Variants in GRAMD1B observed in about 807,000 individuals in gnomAD.
GRAMD1B encodes the protein protein Aster-B.
GRAMD1B carries 37 observed loss-of-function variants against 99.7 expected under a neutral mutation model. That is an observed-to-expected ratio of 0.37 (90% CI 0.29 to 0.49). GRAMD1B has a LOEUF of 0.49. Ranked by LOEUF, GRAMD1B falls within the 20% of genes least tolerant of loss-of-function variation. GRAMD1B has a pLI of 0.98. For missense variants in GRAMD1B, 888 were observed against 1,009.2 expected, an observed-to-expected ratio of 0.88 and a Z score of 1.63; for synonymous variants, 427 against 387.6, an observed-to-expected ratio of 1.10 and a Z score of -1.19.
intron 12 of GRAMD1B, 137 bp from the exon 13 acceptor site, chr11:123,609,658 C>G: frequency 1.7e-6 from 1 of 604,082 alleles, no homozygotes; most frequent in Non-Finnish European, 3.0e-6. Context: ...CCCCCCGGCC[C>G]TCGGGCTCCC....
At position 123,574,161 on chromosome 11, in the gene GRAMD1B, C is replaced by T. The variant is rs533679164; in HGVS notation, c.453-3206C>T. Among the ~76,000 whole-genome samples, 166 of 150,830 alleles carry T rather than the reference C, an allele frequency of 1.1e-3. 1 individual carries two copies. The highest frequency in any genetic ancestry group is 3.6e-3 in the African/African-American group (148 of 40,942). On this transcript the variant is annotated intron_variant, in intron 2 of 19. Coordinates refer to ENST00000635736, the MANE Select transcript of GRAMD1B (RefSeq NM_001387025.1). ...GGCTCTTTAGGCTCAAGTAGTGCGT[C>T]GTATGGGAGTTTGGAGGCAGGAGAA... is the stretch of plus-strand genomic sequence containing the variant.
At chr11:123,618,842 C>T (rs1464207835) in intron 18 of GRAMD1B, 42 bp downstream of exon 18, 1 of 976,790 alleles carries the variant, frequency 1.0e-6, no homozygotes, top group Non-Finnish European at 1.6e-6. Context: ...TTCATCCCAC[C>T]CAGTGCCATG....
intron 3 of GRAMD1B, among the ~76,000 whole-genome samples, chr11:123,579,284 G>A (rs1046971326): frequency 4.6e-5 from 7 of 152,208 alleles, no homozygotes; most frequent in African/African-American, 7.2e-5. Flanking sequence ...AGGGGAAGCC[G>A]AGGATGACTT....
chr11:123,516,155 A>G (rs950568043), intron 2 of GRAMD1B, among the ~76,000 whole-genome samples: 3 of 152,236 alleles, frequency 2.0e-5, no homozygotes, highest in African/African-American at 7.2e-5. Flanking sequence ...ATCATGGTAC[A>G]CGCCAGCACA....
intron 1 of GRAMD1B, among the ~76,000 whole-genome samples, chr11:123,469,339 G>T (rs1280324709): frequency 1.3e-5 from 2 of 152,140 alleles, no homozygotes; most frequent in African/African-American, 4.8e-5. Flanking sequence ...CTGGAGTGGG[G>T]CCAGAGTGGC....
chr11:123,499,781 C>T (rs752278831), intron 2 of GRAMD1B, among the ~76,000 whole-genome samples: 4 of 152,176 alleles, frequency 2.6e-5, no homozygotes, highest in Non-Finnish European at 5.9e-5. Flanking sequence ...CACACAAAAG[C>T]TCTCTTGTGT....
At chr11:123,469,772 T>TTCCTTCC (rs57120052) in intron 1 of GRAMD1B, among the ~76,000 whole-genome samples, 1 of 108,290 alleles carries the variant, frequency 9.2e-6, no homozygotes, top group African/African-American at 3.2e-5. Context: ...TTTCTTTCTC[T>TTCCTTCC]TTCTTTCCTT....
chr11:123,497,823 C>T lies in GRAMD1B; in HGVS notation c.452+16930C>T, dbSNP rs1249248299. 1.2e-4 allele frequency among the ~76,000 whole-genome samples: 18 copies of T among 150,720 alleles called. No homozygotes were observed. The East Asian group carries it at 3.5e-3, about 29-fold the overall frequency. Reference sequence around the variant, plus strand: ...GGCTGAGGCAGGAGAATCGCTTGAACCCGGGAGGCAGAGGTTGCAGTGAGC... The same window carrying T: ...GGCTGAGGCAGGAGAATCGCTTGAATCCGGGAGGCAGAGGTTGCAGTGAGC... On this transcript the variant is annotated intron_variant, in intron 2 of 19. Transcript: ENST00000635736.
intron 1 of GRAMD1B, among the ~76,000 whole-genome samples, chr11:123,405,105 G>C (rs1038205788): frequency 3.9e-5 from 6 of 152,156 alleles, no homozygotes; most frequent in African/African-American, 1.4e-4. Flanking sequence ...GAGAGGGAGA[G>C]AATTTGGTAG....
At chr11:123,424,449 T>C (rs1948576036) in intron 1 of GRAMD1B, among the ~76,000 whole-genome samples, 1 of 152,024 alleles carries the variant, frequency 6.6e-6, no homozygotes, top group Non-Finnish European at 1.5e-5. Context: ...CTGGACAACA[T>C]AGCAAGACCC....
In GRAMD1B at chr11:123,614,781, C is replaced by T. The variant is rs754161430; in HGVS notation, c.2264C>T (p.Pro755Leu). The change falls in exon 17 of 20, where the codon CCC becomes CTC. Residue 755 changes from proline (P) to leucine (L), a missense_variant. Pro to Leu is a moderately conservative substitution (Grantham distance 98). This residue lies in a region of GRAMD1B where 232 missense variants were observed against 261.7 expected (regional missense o/e 0.89). Coordinates refer to ENST00000635736, the MANE Select transcript of GRAMD1B (RefSeq NM_001387025.1). ...TQTRHIPEDT[P>L]NGFHLQSVSK... ...ACGCGGCATATCCCGGAGGACACCC[C>T]CAACGGTTTCCACCTGCAGAGCGTG... The T allele has an allele frequency of 1.2e-5, 20 of 1,612,716 alleles. No individual in the cohort carries two copies. Among genetic ancestry groups the T allele is most frequent in the South Asian group, 9.9e-5 (9 of 91,016 alleles).
chr11:123,405,192 ATGTGTGTGTGTG>A lies in GRAMD1B; in HGVS notation c.-176+46410_-176+46421del, dbSNP rs145624429. On this transcript the variant is annotated intron_variant, in intron 1 of 20. Coordinates refer to the GRAMD1B transcript ENST00000638157. Reference sequence around the variant, plus strand: ...GAGAGTATGTTGTAATCATGTGTGCATGTGTGTGTGTGTGTGTGTGTGTGTGTGAAAGAGAGA... The same window carrying A: ...GAGAGTATGTTGTAATCATGTGTGCATGTGTGTGTGTGTGTGAAAGAGAGA... 6.1e-5 allele frequency among the ~76,000 whole-genome samples: 9 copies of A among 147,938 alleles called. No homozygotes were observed. In the South Asian group the frequency reaches 1.5e-3, roughly 25 times the overall value.
At chr11:123,463,859 A>G (rs1950545726) in intron 1 of GRAMD1B, among the ~76,000 whole-genome samples, 1 of 152,160 alleles carries the variant, frequency 6.6e-6, no homozygotes, top group South Asian at 2.1e-4. Flanking sequence ...AGAAAGGAAA[A>G]CTGTGTAAAG....
intron 2 of GRAMD1B, among the ~76,000 whole-genome samples, chr11:123,522,550 C>T (rs1942290986): frequency 6.6e-6 from 1 of 152,174 alleles, no homozygotes; most frequent in Non-Finnish European, 1.5e-5. Flanking sequence ...AACTCCTAAC[C>T]TCAGGTGATC....
chr11:123,542,051 T>C (rs1366738470), intron 2 of GRAMD1B, among the ~76,000 whole-genome samples: 1 of 152,262 alleles, frequency 6.6e-6, no homozygotes, highest in Non-Finnish European at 1.5e-5. Context: ...CCCCATATTT[T>C]TCATTAGCTT....
chr11:123,402,130 C>T (rs1477029816), intron 1 of GRAMD1B, among the ~76,000 whole-genome samples: 1 of 152,204 alleles, frequency 6.6e-6, no homozygotes. Flanking sequence ...ATTCTCCTGC[C>T]TCAGCCTCCC....
intron 1 of GRAMD1B, among the ~76,000 whole-genome samples, chr11:123,409,563 T>C (rs1947969304): frequency 6.6e-6 from 1 of 152,114 alleles, no homozygotes; most frequent in Non-Finnish European, 1.5e-5. Context: ...GAGACTGCAA[T>C]TGTCAATTAT....
At chr11:123,607,255 G>C (rs1479288930) in intron 11 of GRAMD1B, among the ~76,000 whole-genome samples, 3 of 152,200 alleles carry the variant, frequency 2.0e-5, no homozygotes, top group Non-Finnish European at 4.4e-5. Context: ...GGTCAAATAG[G>C]GTTTGGAGAC....
rs1057072914 is a variant in GRAMD1B, at chr11:123,623,203, G to A, written c.*608G>A. On this transcript the variant is annotated 3_prime_UTR_variant, in exon 20 of 20. Transcript: ENST00000635736. ...TGGAAAGCTAGGAAGGCTGCATTGT[G>A]TGGTGGCAGGCTCCCGAGACTCGTG... The A allele has an allele frequency of 6.6e-6, 1 of 152,144 alleles. No homozygotes were observed. Among genetic ancestry groups the A allele is most frequent in the Non-Finnish European group, 1.5e-5 (1 of 68,062 alleles). The allele number at this position is 152,144 out of a possible 1,614,324, so 9.4% of individuals were successfully genotyped here.
Sources: allele counts gnomAD v4.1 joint callset (sites outside exome capture counted in the v4.1 genomes callset), GRCh38; gene constraint gnomAD v4.1.1; regional missense constraint gnomAD v4.1.1; transcripts MANE v1.5; gene names NCBI Gene and HGNC (gene_info 2026-07-23, HGNC 2026-07-21).